The following MAG variants were observed in gnomAD, a reference collection of about 807,000 sequenced individuals.
The protein encoded by MAG is myelin associated glycoprotein, also known as myelin-associated glycoprotein.
In MAG, 30 loss-of-function variants were observed where a neutral mutation model predicts 60.7. The ratio of observed to expected loss-of-function variants is 0.49; its 90% CI spans 0.37 to 0.67. The LOEUF is 0.67. MAG is among the 30% of genes least tolerant of loss of function. The pLI, the probability that MAG is intolerant of heterozygous loss-of-function variation, is 0.00. For synonymous variants in MAG, 384 were observed against 376.8 expected, an observed-to-expected ratio of 1.02 and a Z score of -0.22; for missense variants, 795 against 851.7, an observed-to-expected ratio of 0.93 and a Z score of 0.83.
Position 35,313,533 on chromosome 19 carries a change from C to T in MAG, c.*79C>T. The T allele has an allele frequency of 7.0e-7, 1 of 1,418,874 alleles. No individual in the cohort carries two copies. Among genetic ancestry groups the T allele is most frequent in the Non-Finnish European group, 9.4e-7 (1 of 1,061,872 alleles). The allele number at this position is 1,418,874 out of a possible 1,614,324, so 87.9% of individuals were successfully genotyped here. A position where few individuals can be genotyped will look rare whatever the true frequency, so the allele number is the denominator to read the frequency against. ...CCACTGGCTGTGGGCTCCCTTCCTCCCAAAAGTATCGGGGGCTGGGGCAGG... is the reference window on the plus strand; with the variant it reads ...CCACTGGCTGTGGGCTCCCTTCCTCTCAAAAGTATCGGGGGCTGGGGCAGG... On this transcript the variant is annotated 3_prime_UTR_variant, in exon 11 of 11. Transcript: ENST00000392213.
rs1018285780 is a variant in MAG at position 35,312,189 on chromosome 19, G to A, written c.1716+172G>A. ...TGGAGGCTGGGGAGGAGGTGCCCAG[G>A]CCGAAGCTGTGTAGGGGGCGATGGG... On this transcript the variant is annotated intron_variant, in intron 10 of 10. Transcript: ENST00000392213. 1.8e-5 allele frequency: 24 copies of A among 1,352,002 alleles called. 1 individual carries two copies. Among genetic ancestry groups the A allele is most frequent in the Non-Finnish European group, 1.1e-6 (1 of 942,436 alleles). The allele number at this position is 1,352,002 out of a possible 1,614,324, so 83.8% of individuals were successfully genotyped here. A position where few individuals can be genotyped will look rare whatever the true frequency, so the allele number is the denominator to read the frequency against.
chr19:35,299,382 G>A (rs532831451), intron 4 of MAG, among the ~76,000 whole-genome samples, 172 bp from the exon 5 acceptor site: 135 of 151,998 alleles, frequency 8.9e-4, no homozygotes, highest in Admixed American at 1.8e-3. Flanking sequence ...GGGTGACCAA[G>A]AGGAGGAAGG....
chr19:35,309,841 G>A (rs144178944), intron 7 of MAG, 33 bp from the exon 8 acceptor site: 100 of 1,590,796 alleles, frequency 6.3e-5, no homozygotes, highest in Non-Finnish European at 8.1e-5. Context: ...CGTTGGCTCC[G>A]GGCCACCCTC....
chr19:35,295,993 G>T lies in MAG; in HGVS notation c.415+12G>T, dbSNP rs1157209859. On this transcript the variant is annotated intron_variant, in intron 4 of 10. Transcript: ENST00000392213. The surrounding 1 kb of genome is among the most constrained non-coding windows in gnomAD (Gnocchi z 5.8). ...CCTGGATATCGTCAGTGAGTCCCCA[G>T]CGGTTGTGCAGGCACCGGGAGCTGG... The T allele has an allele frequency of 6.4e-7, 1 of 1,555,726 alleles. No homozygotes were observed. Among genetic ancestry groups the T allele is most frequent in the South Asian group, 1.2e-5 (1 of 82,304 alleles).
chr19:35,313,015 G>T (rs768209650), intron 10 of MAG, among the ~76,000 whole-genome samples: 25 of 152,176 alleles, frequency 1.6e-4, no homozygotes, highest in Admixed American at 9.2e-4. Context: ...ATCCAGCCTG[G>T]GTCTCAAAGA....
chr19:35,310,036 G>A lies in MAG; in HGVS notation c.1394G>A (p.Arg465His), dbSNP rs147583558. ...GAGCGGGAGTTCGTGTACTCGGAGC[G>A]CAGCGGCCTCGTGCTCACCAGCATC... ...ESEREFVYSE[R>H]SGLVLTSILT... Residue 465 changes from arginine to histidine, a missense_variant, in exon 8 of 11, where the codon CGC becomes CAC. Transcript: ENST00000392213. The A allele has an allele frequency of 3.3e-5, 53 of 1,613,752 alleles. No individual in the cohort carries two copies. Among genetic ancestry groups the A allele is most frequent in the African/African-American group, 1.9e-4 (14 of 74,932 alleles).
intron 5 of MAG, 51 bp from the exon 6 acceptor site, chr19:35,300,096 G>A (rs1483791285): frequency 1.3e-6 from 2 of 1,486,542 alleles, no homozygotes; most frequent in Non-Finnish European, 1.8e-6. Flanking sequence ...GAGGGCACTG[G>A]GCCGGTTCCC....
chr19:35,300,921 GTGGGATT>G (rs1568472764), intron 6 of MAG, among the ~76,000 whole-genome samples: 2 of 152,024 alleles, frequency 1.3e-5, no homozygotes, highest in Non-Finnish European at 2.9e-5. Flanking sequence ...TTTTGTAAAG[GTGGGATT>G]TTGCTATGTT....
rs568617507 is a variant in MAG, at chr19:35,301,924, C to G, written c.971-524C>G. On this transcript the variant is annotated intron_variant, in intron 6 of 10. Transcript: ENST00000392213. ...GGCATTCCCCACGGCTGGCTCTGCC[C>G]ACCTCCTAGGCTCGCTGAAGCCTTC... Among the ~76,000 whole-genome samples, 6 of 152,294 alleles carry G rather than the reference C, an allele frequency of 3.9e-5. No individual in the cohort carries two copies. The East Asian group carries it at 1.2e-3, about 29-fold the overall frequency.
chr19:35,301,766 A>G (rs2066450314), intron 6 of MAG, among the ~76,000 whole-genome samples: 2 of 152,060 alleles, frequency 1.3e-5, no homozygotes, highest in Non-Finnish European at 2.9e-5. Flanking sequence ...GGGTTTCACC[A>G]TGTTGGTCAG....
chr19:35,300,221 G>T lies in MAG; in HGVS notation c.787G>T (p.Ala263Ser). Residue 263 changes from alanine (A) to serine (S), a missense_variant, in exon 6 of 11, where the codon GCT becomes TCT. Transcript: ENST00000392213. Reference sequence around the variant, plus strand: ...CTCCCACGTGAGCCTGCTCTGTGGGGCTGACAGCAACCCCCCGCCGCTGCT... The same window carrying T: ...CTCCCACGTGAGCCTGCTCTGTGGGTCTGACAGCAACCCCCCGCCGCTGCT... ...EGSHVSLLCG[A>S]DSNPPPLLTW... 6.3e-7 allele frequency: 1 copy of T among 1,585,276 alleles called. No homozygotes were observed. The highest frequency in any genetic ancestry group is 8.6e-7 in the Non-Finnish European group (1 of 1,165,872).
At position 35,312,053 on chromosome 19, in the gene MAG, G is replaced by T. The variant is rs372731477; in HGVS notation, c.1716+36G>T. The T allele has an allele frequency of 3.2e-6, 5 of 1,583,910 alleles. No homozygotes were observed. In the African/African-American group the frequency reaches 6.7e-5, roughly 21 times the overall value. ...GGCTCCAGGCTGGCCTGGGAACCTGGATGCCAGGGACACTGAAGGCCTGGG... is the reference window on the plus strand; with the variant it reads ...GGCTCCAGGCTGGCCTGGGAACCTGTATGCCAGGGACACTGAAGGCCTGGG... On this transcript the variant is annotated intron_variant, in intron 10 of 10. Transcript: ENST00000392213.
At chr19:35,310,716 G>A (rs1488962841) in intron 9 of MAG, 73 bp downstream of exon 9, 2 of 1,335,090 alleles carry the variant, frequency 1.5e-6, no homozygotes, top group Non-Finnish European at 2.1e-6. Flanking sequence ...TGGAGGCCCA[G>A]AGTGGGTGGG....
rs2066376854 is a variant in MAG, at chr19:35,293,946, G to A, written c.-79-289G>A. Among the ~76,000 whole-genome samples, 1 of 152,000 alleles carries A rather than the reference G, an allele frequency of 6.6e-6. No individual in the cohort carries two copies. The highest frequency in any genetic ancestry group is 2.1e-4 in the South Asian group (1 of 4,818). ...TGCCCGCCACCCCCAGGCCCCGGCCGTGGGACATCTGCTCCCTCACTCCAC... is the reference window on the plus strand; with the variant it reads ...TGCCCGCCACCCCCAGGCCCCGGCCATGGGACATCTGCTCCCTCACTCCAC... On this transcript the variant is annotated intron_variant, in intron 1 of 10. Coordinates refer to ENST00000392213, the MANE Select transcript of MAG (RefSeq NM_002361.4). This position sits in a 1 kb window ranked among gnomAD's most constrained non-coding sequence, Gnocchi z 4.0.
chr19:35,302,912 C>CTTTTTT (rs869126086), intron 7 of MAG, among the ~76,000 whole-genome samples: 8 of 99,824 alleles, frequency 8.0e-5, no homozygotes, highest in East Asian at 2.9e-4. Context: ...CGGGAGTGGG[C>CTTTTTT]TTTTTTTTTT....
At chr19:35,299,431 C>T (rs2066428845) in intron 4 of MAG, 123 bp from the exon 5 acceptor site, 4 of 655,168 alleles carry the variant, frequency 6.1e-6, no homozygotes, top group Non-Finnish European at 9.9e-6. Flanking sequence ...GGAGCGGAGG[C>T]GATACCGTTG....
intron 4 of MAG, among the ~76,000 whole-genome samples, chr19:35,298,726 A>ACACACAC (rs1009830250): frequency 1.3e-5 from 2 of 149,062 alleles, no homozygotes; most frequent in South Asian, 2.1e-4. Flanking sequence ...ACCACACCAC[A>ACACACAC]CACACACCAC....
Position 35,299,557 on chromosome 19 carries a change from C to T in MAG, c.419C>T (p.Thr140Ile). ...SEHSVLDIVN[T>I]PNIVVPPEVV... ...TCCCTTTCCCCGCCTCGTATAGACA[C>T]CCCCAACATCGTGGTGCCCCCAGAG... is the stretch of plus-strand genomic sequence containing the variant. The change falls in exon 5 of 11, where the codon ACC (threonine) becomes ATC (isoleucine). Residue 140 changes from threonine (T) to isoleucine (I), a missense_variant. Coordinates refer to ENST00000392213, the MANE Select transcript of MAG (RefSeq NM_002361.4). 1 of 1,588,100 alleles carries T rather than the reference C, an allele frequency of 6.3e-7. No individual in the cohort carries two copies. The highest frequency in any genetic ancestry group is 8.6e-7 in the Non-Finnish European group (1 of 1,161,598).
chr19:35,311,948 G>C lies in MAG; in HGVS notation c.1647G>C (p.Ser549=), dbSNP rs148183570. The change falls in exon 10 of 11, where the codon TCG becomes TCC. Residue 549 remains serine (S), a synonymous_variant. Transcript: ENST00000392213. The part of the protein sequence containing the change: ...KKNVTESPSF[S]AGDNPPVLFS... The stretch of plus-strand genomic sequence containing the variant: ...ACGTGACAGAGAGCCCCAGCTTCTC[G>C]GCAGGGGACAACCCTCCCGTCCTGT... 2 of 1,613,134 alleles carry C rather than the reference G, an allele frequency of 1.2e-6. No homozygotes were observed. The highest frequency in any genetic ancestry group is 8.5e-7 in the Non-Finnish European group (1 of 1,179,580).
Sources: allele counts gnomAD v4.1 joint callset (sites outside exome capture counted in the v4.1 genomes callset), GRCh38; gene constraint gnomAD v4.1.1; non-coding constraint Gnocchi (gnomAD v3.1); transcripts MANE v1.5; gene names NCBI Gene and HGNC (gene_info 2026-07-23, HGNC 2026-07-21).